Variants in LRRC20 observed in about 807,000 individuals in gnomAD.
The protein encoded by LRRC20 is leucine-rich repeat-containing protein 20.
LRRC20 carries 11 observed loss-of-function variants against 14.4 expected under a neutral mutation model. The ratio of observed to expected loss-of-function variants is 0.77; its 90% confidence interval spans 0.48 to 1.27. The LOEUF is 1.27. Ranked by LOEUF, LRRC20 falls within the 50% of genes most tolerant of loss-of-function variation. The probability of loss-of-function intolerance (pLI) is 0.00; values close to 1 mark genes in which losing one functional copy is unlikely to be tolerated. For missense variants in LRRC20, 219 were observed against 251.2 expected, an observed-to-expected ratio of 0.87 and a Z score of 0.87; for synonymous variants, 121 against 107.3, an observed-to-expected ratio of 1.13 and a Z score of -0.79.
At chr10:70,361,681 G>C (rs1589116667) in intron 2 of LRRC20, among the ~76,000 whole-genome samples, 1 of 152,212 alleles carries the variant, frequency 6.6e-6, no homozygotes, top group African/African-American at 2.4e-5. Flanking sequence ...AGGCACACCT[G>C]CCGGGGCCCA....
intron 3 of LRRC20, among the ~76,000 whole-genome samples, chr10:70,335,100 G>A (rs1264607483): frequency 6.6e-6 from 1 of 152,176 alleles, no homozygotes; most frequent in Non-Finnish European, 1.5e-5. Context: ...CTTCTTCCCG[G>A]AGTTTATGGC....
intron 2 of LRRC20, among the ~76,000 whole-genome samples, chr10:70,367,328 C>CAA (rs71472959): frequency 0.063 from 7,344 of 117,332 alleles, 488 homozygotes; most frequent in African/African-American, 0.13. Context: ...GACCCGGTCT[C>CAA]AAAAAAAAAA....
At chr10:70,359,792 G>A (rs144464087) in intron 2 of LRRC20, among the ~76,000 whole-genome samples, 1,584 of 152,142 alleles carry the variant, frequency 0.01, 24 homozygotes, top group South Asian at 0.056. Flanking sequence ...AAAAGTTCTC[G>A]TCAACACTGT....
intron 2 of LRRC20, among the ~76,000 whole-genome samples, chr10:70,375,195 A>G (rs1844460488): frequency 6.6e-6 from 1 of 152,134 alleles, no homozygotes; most frequent in South Asian, 2.1e-4. Flanking sequence ...TCCAACACCA[A>G]TGACAATCTT....
At chr10:70,304,924 C>T (rs1841363020) in intron 4 of LRRC20, among the ~76,000 whole-genome samples, 1 of 152,210 alleles carries the variant, frequency 6.6e-6, no homozygotes, top group African/African-American at 2.4e-5. Flanking sequence ...GTGGCTCACA[C>T]CGGTAATCCC....
intron 3 of LRRC20, among the ~76,000 whole-genome samples, chr10:70,329,516 G>C (rs1280266630): frequency 6.7e-6 from 1 of 149,818 alleles, no homozygotes; most frequent in Non-Finnish European, 1.5e-5. Flanking sequence ...TTTGTCAAAT[G>C]CTTTTTCTTT....
chr10:70,352,323 A>AGG (rs774160337), intron 2 of LRRC20, among the ~76,000 whole-genome samples: 4 of 152,100 alleles, frequency 2.6e-5, no homozygotes, highest in African/African-American at 4.8e-5. Context: ...TGAGGCCTTG[A>AGG]TTTAAATCTT....
chr10:70,304,204 G>A (rs1214301453), intron 4 of LRRC20, among the ~76,000 whole-genome samples: 7 of 151,872 alleles, frequency 4.6e-5, no homozygotes, highest in Admixed American at 6.6e-5. Context: ...ATCCAATTCC[G>A]TGAGCAGCCG....
intron 3 of LRRC20, among the ~76,000 whole-genome samples, chr10:70,334,949 G>A (rs1056454934): frequency 2.6e-5 from 4 of 152,188 alleles, no homozygotes; most frequent in East Asian, 1.9e-4. Flanking sequence ...GCCCTGTGGT[G>A]AGGGTAAGGG....
Position 70,346,229 on chromosome 10 carries a change from A to T in LRRC20, c.83-5527T>A, listed in dbSNP as rs570826295. ...TCCAGCCTAGGCGACAGAATGACAG[A>T]GAGACTCTGTCTCAAAAAAATAAAT... On this transcript the variant is annotated intron_variant, in intron 2 of 4. Coordinates refer to ENST00000446961, the MANE Select transcript of LRRC20 (RefSeq NM_001278212.2). Among the ~76,000 whole-genome samples, 4 of 152,260 alleles carry T rather than the reference A, an allele frequency of 2.6e-5. No homozygotes were observed. The East Asian group carries it at 7.7e-4, about 29-fold the overall frequency.
In LRRC20 at chr10:70,324,022, G is replaced by A; in HGVS notation, c.241C>T (p.Leu81=). 1 of 1,613,932 alleles carries A rather than the reference G, an allele frequency of 6.2e-7. No individual in the cohort carries two copies. The highest frequency in any genetic ancestry group is 8.5e-7 in the Non-Finnish European group (1 of 1,179,984). ...TTFSQLRELH[L]EGNFLHRLPS... ...AGGCGGTGTAGGAAGTTCCCCTCCA[G>A]GTGGAGCTCTGCCACGTGCAGGGAA... Residue 81 remains leucine (L), a synonymous_variant, in exon 4 of 5, where the codon CTG becomes TTG. Transcript: ENST00000446961.
chr10:70,362,148 G>T (rs1812205016), intron 2 of LRRC20, among the ~76,000 whole-genome samples: 1 of 152,220 alleles, frequency 6.6e-6, no homozygotes, highest in Admixed American at 6.5e-5. Context: ...TCGTGCCACT[G>T]CACTCTAGCC....
At chr10:70,354,041 G>C (rs1255762313) in intron 2 of LRRC20, among the ~76,000 whole-genome samples, 2 of 152,168 alleles carry the variant, frequency 1.3e-5, no homozygotes, top group East Asian at 3.8e-4. Flanking sequence ...TATGCCCTTA[G>C]TTTTCAAATC....
intron 2 of LRRC20, among the ~76,000 whole-genome samples, chr10:70,346,250 T>A (rs1300578242): frequency 3.3e-5 from 5 of 151,958 alleles, no homozygotes; most frequent in Non-Finnish European, 5.9e-5. Context: ...CTCAAAAAAA[T>A]AAATAAATAA....
intron 2 of LRRC20, among the ~76,000 whole-genome samples, chr10:70,371,061 A>G (rs1269100611): frequency 6.6e-6 from 1 of 151,848 alleles, no homozygotes; most frequent in Non-Finnish European, 1.5e-5. Context: ...TAAGAAAGAA[A>G]TAAGATTATT....
chr10:70,361,223 T>C (rs1843708971), intron 2 of LRRC20, among the ~76,000 whole-genome samples: 1 of 152,186 alleles, frequency 6.6e-6, no homozygotes, highest in Admixed American at 6.5e-5. Context: ...ACATGAAATA[T>C]CACCTCTCCA....
chr10:70,356,206 A>T (rs1843510239), intron 2 of LRRC20, among the ~76,000 whole-genome samples: 1 of 152,174 alleles, frequency 6.6e-6, no homozygotes, highest in Admixed American at 6.5e-5. Flanking sequence ...TGAGGACAAG[A>T]GCTCTTTCAA....
Position 70,300,519 on chromosome 10 carries a change from T to C in LRRC20, c.*835A>G. 1 of 985,438 alleles carries C rather than the reference T, an allele frequency of 1.0e-6. No individual in the cohort carries two copies. The allele number at this position is 985,438 out of a possible 1,614,324, so 61.0% of individuals were successfully genotyped here. On this transcript the variant is annotated 3_prime_UTR_variant, in exon 5 of 5. Coordinates refer to ENST00000446961, the MANE Select transcript of LRRC20 (RefSeq NM_001278212.2). ...CTGCTGGACTGGACAGTGGTGAGGG[T>C]GGCCATCTAATCACTTTAGACAAGA...
intron 3 of LRRC20, among the ~76,000 whole-genome samples, chr10:70,327,695 C>T (rs1842381867): frequency 6.6e-6 from 1 of 152,064 alleles, no homozygotes; most frequent in Non-Finnish European, 1.5e-5. Context: ...TGTGATTTTT[C>T]TCTAACCCAT....
Sources: allele counts gnomAD v4.1 joint callset (sites outside exome capture counted in the v4.1 genomes callset), GRCh38; gene constraint gnomAD v4.1.1; transcripts MANE v1.5; gene names NCBI Gene and HGNC (gene_info 2026-07-23, HGNC 2026-07-21).